Variants in HK2 observed in about 807,000 individuals in gnomAD.
HK2 encodes hexokinase 2, also known as hexokinase-2.
Under a neutral mutation model 92.9 loss-of-function variants are expected in HK2, and 42 were observed. The observed-to-expected ratio is 0.45, with a 90% CI of 0.35 to 0.58. HK2 has a LOEUF of 0.58. Ranked by LOEUF, HK2 falls within the 20% of genes least tolerant of loss-of-function variation. The probability of loss-of-function intolerance (pLI) is 0.00; values close to 1 mark genes in which losing one functional copy is unlikely to be tolerated. For synonymous variants in HK2, 422 were observed against 468.0 expected, an observed-to-expected ratio of 0.90 and a Z score of 1.27; for missense variants, 978 against 1,245.1, an observed-to-expected ratio of 0.79 and a Z score of 3.23.
intron 2 of HK2, among the ~76,000 whole-genome samples, chr2:74,866,374 T>C (rs1465874046): frequency 7.2e-5 from 11 of 152,156 alleles, no homozygotes; most frequent in Non-Finnish European, 1.6e-4. Context: ...GAAATTGCCT[T>C]GTATCCTTGT....
intron 6 of HK2, 78 bp from the exon 7 acceptor site, chr2:74,874,188 G>A (rs530146573): frequency 1.0e-5 from 16 of 1,572,284 alleles, no homozygotes; most frequent in Admixed American, 5.0e-5. Flanking sequence ...GGGCAGTCTC[G>A]GGACAGTAGT....
At chr2:74,863,662 A>G (rs893014400) in intron 2 of HK2, among the ~76,000 whole-genome samples, 1 of 152,186 alleles carries the variant, frequency 6.6e-6, no homozygotes, top group Non-Finnish European at 1.5e-5. Context: ...TATATGCCAT[A>G]CATTCTCAGA....
chr2:74,842,802 C>T (rs1688346780), intron 1 of HK2, among the ~76,000 whole-genome samples: 1 of 152,232 alleles, frequency 6.6e-6, no homozygotes, highest in African/African-American at 2.4e-5. Context: ...CATTCGAGGT[C>T]TCTGGGATGC....
At chr2:74,878,554 G>A (rs994979565) in intron 8 of HK2, 134 bp from the exon 9 acceptor site, 80 of 756,862 alleles carry the variant, frequency 1.1e-4, no homozygotes, top group Non-Finnish European at 1.7e-4. Context: ...GGTGGACTAA[G>A]CAATGAAGAG....
intron 3 of HK2, among the ~76,000 whole-genome samples, chr2:74,871,253 A>G (rs1016610951): frequency 3.3e-5 from 5 of 152,166 alleles, no homozygotes; most frequent in Non-Finnish European, 5.9e-5. Flanking sequence ...CTGTTCCAGG[A>G]GCACACTTTG....
At chr2:74,845,196 G>C (rs1688408051) in intron 1 of HK2, among the ~76,000 whole-genome samples, 1 of 152,174 alleles carries the variant, frequency 6.6e-6, no homozygotes, top group African/African-American at 2.4e-5. Context: ...TGCCCTTCCT[G>C]TCAGTTTGTA....
intron 17 of HK2, 88 bp downstream of exon 17, chr2:74,889,566 T>C: frequency 1.1e-6 from 1 of 900,824 alleles, no homozygotes; most frequent in South Asian, 1.4e-5. Flanking sequence ...TGTTACTTTA[T>C]AGTGAATTAT....
chr2:74,846,121 A>G (rs960949462), intron 1 of HK2, among the ~76,000 whole-genome samples: 21 of 152,274 alleles, frequency 1.4e-4, no homozygotes, highest in African/African-American at 4.8e-4. Context: ...ACACTGGCAA[A>G]GGAATAATGC....
Position 74,886,288 on chromosome 2 carries a change from T to C in HK2, c.1936-6T>C, listed in dbSNP as rs1384895655. 5 of 1,612,892 alleles carry C rather than the reference T, an allele frequency of 3.1e-6. No individual in the cohort carries two copies. In the African/African-American group the frequency reaches 6.7e-5, roughly 22 times the overall value. ...GTGAACTGGGCATCTGCTTCTTCCC[T>C]CTCAGGAGTTTGACCTGGATGTGGT... On this transcript the variant is annotated splice_polypyrimidine_tract_variant and splice_region_variant and intron_variant, in intron 13 of 17. Coordinates refer to ENST00000290573, the MANE Select transcript of HK2 (RefSeq NM_000189.5).
Position 74,840,904 on chromosome 2 carries a change from A to AAAAAG in HK2, c.63+6261_63+6262insAAAAG, listed in dbSNP as rs869156790. ...AAAAAAAAAAAAAAAAAAAAAAAAA[A>AAAAAG]GCTGTGGGGGTTGGGATGTGGCAAA... is the stretch of plus-strand genomic sequence containing the variant. On this transcript the variant is annotated intron_variant, in intron 1 of 17. Coordinates refer to ENST00000290573, the MANE Select transcript of HK2 (RefSeq NM_000189.5). Among the ~76,000 whole-genome samples, 31 of 114,030 alleles carry AAAAAG rather than the reference A, an allele frequency of 2.7e-4. 4 individuals are homozygous for AAAAAG. Among genetic ancestry groups the AAAAAG allele is most frequent in the African/African-American group, 7.1e-4 (20 of 28,084 alleles). 74.8% of individuals were successfully genotyped at this position (114,030 alleles called of 152,430 possible).
At chr2:74,841,683 AG>A (rs1688319092) in intron 1 of HK2, among the ~76,000 whole-genome samples, 1 of 152,222 alleles carries the variant, frequency 6.6e-6, no homozygotes, top group Admixed American at 6.5e-5. Context: ...GCAGGTTTCC[AG>A]GGAACGGGAG....
chr2:74,840,621 A>G (rs532911606), intron 1 of HK2, among the ~76,000 whole-genome samples: 2 of 149,864 alleles, frequency 1.3e-5, no homozygotes, highest in African/African-American at 2.5e-5. Context: ...TAATCCCAGC[A>G]CTTTGAGAGG....
chr2:74,837,752 T>C (rs191198986), intron 1 of HK2, among the ~76,000 whole-genome samples: 1 of 150,666 alleles, frequency 6.6e-6, no homozygotes, highest in Admixed American at 6.7e-5. Flanking sequence ...CTCTGCTTAG[T>C]GCAACCTCTG....
In HK2 at chr2:74,886,680, A is replaced by C. The variant is rs972154370; in HGVS notation, c.2219+7A>C. ...TCAACCCCGGCAAGCAGAGGTAGGC[A>C]CCCAACTGGGGCCCTGTTAAGTGTA... is the stretch of plus-strand genomic sequence containing the variant. On this transcript the variant is annotated splice_region_variant and intron_variant, in intron 15 of 17. Transcript: ENST00000290573. 2.5e-6 allele frequency: 4 copies of C among 1,613,724 alleles called. No individual in the cohort carries two copies. Among genetic ancestry groups the C allele is most frequent in the Non-Finnish European group, 3.4e-6 (4 of 1,179,876 alleles).
chr2:74,853,996 C>T (rs1688633106), intron 1 of HK2, among the ~76,000 whole-genome samples: 1 of 152,160 alleles, frequency 6.6e-6, no homozygotes, highest in East Asian at 1.9e-4. Context: ...GTGATGTTGT[C>T]ACAGGCCTTC....
Position 74,834,691 on chromosome 2 carries a change from C to T in HK2, c.63+48C>T. On this transcript the variant is annotated intron_variant, in intron 1 of 17. Coordinates refer to ENST00000290573, the MANE Select transcript of HK2 (RefSeq NM_000189.5). This position sits in a 1 kb window ranked among gnomAD's most constrained non-coding sequence, Gnocchi z 4.2. ...GCAGGCTGGGCTCTGGCAAAGTGGTCTGGCCTCCATCAGTCTCTTCCTCGA... is the reference window on the plus strand; with the variant it reads ...GCAGGCTGGGCTCTGGCAAAGTGGTTTGGCCTCCATCAGTCTCTTCCTCGA... 6.3e-7 allele frequency: 1 copy of T among 1,587,612 alleles called. No individual in the cohort carries two copies. The highest frequency in any genetic ancestry group is 8.7e-7 in the Non-Finnish European group (1 of 1,155,886).
chr2:74,864,074 G>A (rs62146687), intron 2 of HK2, among the ~76,000 whole-genome samples: 26,361 of 152,138 alleles, frequency 0.17, 2,834 homozygotes, highest in East Asian at 0.31. Flanking sequence ...GGCAAACTGG[G>A]ATGGTTGGCC....
chr2:74,870,495 AC>A (rs1050843779), intron 3 of HK2, among the ~76,000 whole-genome samples: 2 of 138,504 alleles, frequency 1.4e-5, no homozygotes, highest in African/African-American at 6.0e-5. Flanking sequence ...CCCCCTTCTA[AC>A]CCCCACCTCC....
chr2:74,880,997 T>A (rs1689377656), intron 10 of HK2, among the ~76,000 whole-genome samples: 1 of 152,198 alleles, frequency 6.6e-6, no homozygotes, highest in African/African-American at 2.4e-5. Context: ...ATCACCACAT[T>A]GGTCTGAGTC....
Sources: gnomAD v4.1 joint callset for allele counts (sites outside exome capture counted in the v4.1 genomes callset) on GRCh38, gnomAD v4.1.1 for gene constraint, Gnocchi (gnomAD v3.1) non-coding constraint, MANE v1.5 for transcripts, NCBI Gene and HGNC (gene_info 2026-07-23, HGNC 2026-07-21) for gene names.